Variants in SPATA6L observed in about 807,000 individuals in gnomAD.
SPATA6L encodes the protein spermatogenesis associated 6 like, also known as spermatogenesis associated 6-like protein.
A neutral mutation model predicts 49.2 loss-of-function variants in SPATA6L; 68 were observed. The ratio of observed to expected loss-of-function variants is 1.38; its 90% CI spans 1.14 to 1.69. SPATA6L has a LOEUF of 1.69. SPATA6L is among the 40% of genes most tolerant of loss of function. SPATA6L has a pLI of 0.00. For missense variants in SPATA6L, 668 were observed against 464.3 expected, an observed-to-expected ratio of 1.44 and a Z score of -4.03; for synonymous variants, 198 against 165.7, an observed-to-expected ratio of 1.19 and a Z score of -1.50.
At chr9:4,606,036 A>G (rs1485052045) in intron 9 of SPATA6L, among the ~76,000 whole-genome samples, 11 of 151,322 alleles carry the variant, frequency 7.3e-5, no homozygotes, top group South Asian at 2.1e-4. Context: ...TTCCGAGTCA[A>G]AGAAAGGGGT....
At position 4,600,365 on chromosome 9, in the gene SPATA6L, C is replaced by A. The variant is rs1031979534; in HGVS notation, c.*446G>T. Among the ~76,000 whole-genome samples, 1 of 152,110 alleles carries A rather than the reference C, an allele frequency of 6.6e-6. No individual in the cohort carries two copies. Among genetic ancestry groups the A allele is most frequent in the African/African-American group, 2.4e-5 (1 of 41,380 alleles). ...ACAAACAACAACAAAAACGGATCTA[C>A]CGAAAAGAGAAAGTCAGGTTGATAG... On this transcript the variant is annotated 3_prime_UTR_variant, in exon 12 of 12. Coordinates refer to ENST00000682582, the MANE Select transcript of SPATA6L (RefSeq NM_001353486.2).
At chr9:4,649,113 C>A (rs1177250899) in intron 3 of SPATA6L, among the ~76,000 whole-genome samples, 1 of 151,480 alleles carries the variant, frequency 6.6e-6, no homozygotes, top group African/African-American at 2.4e-5. Flanking sequence ...GTTTCTATAT[C>A]CACTCGTTGA....
At chr9:4,597,453 A>T (rs1289427277), downstream of SPATA6L, among the ~76,000 whole-genome samples, 1 of 151,980 alleles carries the variant, frequency 6.6e-6, no homozygotes, top group Non-Finnish European at 1.5e-5. Context: ...TTGGACTAGA[A>T]ACTCCTCATT....
chr9:4,593,479 T>C (rs1027084727), downstream of SPATA6L, among the ~76,000 whole-genome samples: 8 of 152,272 alleles, frequency 5.3e-5, no homozygotes, highest in African/African-American at 1.9e-4. Flanking sequence ...AAACCAGGGA[T>C]GGGGAGTTGT....
intron 3 of SPATA6L, chr9:4,646,491 A>T (rs776888569): frequency 6.6e-7 from 1 of 1,519,262 alleles, no homozygotes; most frequent in African/African-American, 1.4e-5. Context: ...CATTACCTGG[A>T]GGAACTAGCT....
Position 4,662,152 on chromosome 9 carries a change from T to C in SPATA6L, c.40-116A>G. 1 of 1,482,122 alleles carries C rather than the reference T, an allele frequency of 6.7e-7. No homozygotes were observed. The highest frequency in any genetic ancestry group is 2.5e-5 in the East Asian group (1 of 40,440). The allele number at this position is 1,482,122 out of a possible 1,614,324, so 91.8% of individuals were successfully genotyped here. A position where few individuals can be genotyped will look rare whatever the true frequency, so the allele number is the denominator to read the frequency against. On this transcript the variant is annotated intron_variant, in intron 1 of 11. Coordinates refer to ENST00000682582, the MANE Select transcript of SPATA6L (RefSeq NM_001353486.2). The surrounding 1 kb of genome is among the most constrained non-coding windows in gnomAD (Gnocchi z 4.9). ...AGACACTGACATTTTCCCCATCACC[T>C]CACTCCCTCACCTGTACCTCCCAAC...
chr9:4,603,783 T>C (rs529353809), intron 11 of SPATA6L, among the ~76,000 whole-genome samples: 1 of 152,066 alleles, frequency 6.6e-6, no homozygotes, highest in Non-Finnish European at 1.5e-5. Context: ...GGGAGTGTCG[T>C]GTCATAGAAA....
intron 1 of SPATA6L, chr9:4,664,127 G>A (rs903982805): frequency 3.6e-5 from 6 of 167,168 alleles, no homozygotes; most frequent in African/African-American, 1.4e-4. Flanking sequence ...AGAGAGGGCA[G>A]AGAAACTAAG....
At chr9:4,656,970 G>A (rs1394253405) in intron 2 of SPATA6L, among the ~76,000 whole-genome samples, 3 of 152,136 alleles carry the variant, frequency 2.0e-5, no homozygotes, top group Non-Finnish European at 4.4e-5. Context: ...AGGAAAGAAA[G>A]AGAGAAGAGT....
intron 3 of SPATA6L, among the ~76,000 whole-genome samples, chr9:4,644,507 T>A (rs1455568150): frequency 6.6e-6 from 1 of 152,012 alleles, no homozygotes; most frequent in Non-Finnish European, 1.5e-5. Flanking sequence ...AATATGTTCA[T>A]CAAAATATAA....
intron 4 of SPATA6L, among the ~76,000 whole-genome samples, chr9:4,629,769 G>GTGTGTGTGTGTGTGTGTGTATA (rs1311805859): frequency 2.9e-5 from 3 of 101,932 alleles, no homozygotes; most frequent in African/African-American, 1.5e-4. Flanking sequence ...GTGTGTGTGT[G>GTGTGTGTGTGTGTGTGTGTATA]TATATATATA....
intron 9 of SPATA6L, among the ~76,000 whole-genome samples, chr9:4,611,463 C>A (rs1443090773): frequency 2.0e-5 from 3 of 149,354 alleles, no homozygotes; most frequent in Non-Finnish European, 4.4e-5. Flanking sequence ...GAATACTATG[C>A]AGCCATAAAA....
At chr9:4,612,126 C>T (rs886182288) in intron 9 of SPATA6L, among the ~76,000 whole-genome samples, 1 of 152,008 alleles carries the variant, frequency 6.6e-6, no homozygotes, top group South Asian at 2.1e-4. Flanking sequence ...AGGTATGCAC[C>T]ACCATGCAGA....
At chr9:4,648,221 A>G (rs967586687) in intron 3 of SPATA6L, among the ~76,000 whole-genome samples, 1 of 152,236 alleles carries the variant, frequency 6.6e-6, no homozygotes, top group African/African-American at 2.4e-5. Flanking sequence ...ACAAAACTTT[A>G]ATGCCAAGAA....
downstream of SPATA6L, among the ~76,000 whole-genome samples, chr9:4,598,009 T>C (rs991639617): frequency 1.3e-5 from 2 of 152,208 alleles, no homozygotes; most frequent in Non-Finnish European, 2.9e-5. Flanking sequence ...AAATTACACC[T>C]AAAACCCGCC....
intron 2 of SPATA6L, among the ~76,000 whole-genome samples, chr9:4,661,481 T>C (rs1470720287): frequency 6.6e-6 from 1 of 151,830 alleles, no homozygotes; most frequent in African/African-American, 2.4e-5. Context: ...TACAGGATTT[T>C]AGTTACAGGA....
rs534435836 is a variant in SPATA6L, at chr9:4,609,802, T to G, written c.996-4362A>C. ...TGTTGGAAGTTCTGGCCAGGGCAAT[T>G]AGGCAGGAGAAGGAAATAAAGGGTA... On this transcript the variant is annotated intron_variant, in intron 9 of 11. Transcript: ENST00000682582. Among the ~76,000 whole-genome samples, 216 of 151,284 alleles carry G rather than the reference T, an allele frequency of 1.4e-3. 9 individuals are homozygous for G. The South Asian group carries it at 0.044, about 31-fold the overall frequency.
chr9:4,648,238 A>G (rs1564291324), intron 3 of SPATA6L, among the ~76,000 whole-genome samples: 1 of 152,234 alleles, frequency 6.6e-6, no homozygotes, highest in East Asian at 1.9e-4. Flanking sequence ...AGAAACTTAA[A>G]AACCAAGACA....
At chr9:4,642,398 T>G (rs1323594539) in intron 3 of SPATA6L, among the ~76,000 whole-genome samples, 1 of 152,216 alleles carries the variant, frequency 6.6e-6, no homozygotes, top group Non-Finnish European at 1.5e-5. Flanking sequence ...TTCTGAAAAG[T>G]AGTCAGGAGG....
Sources: allele counts gnomAD v4.1 joint callset (sites outside exome capture counted in the v4.1 genomes callset), GRCh38; gene constraint gnomAD v4.1.1; non-coding constraint Gnocchi (gnomAD v3.1); transcripts MANE v1.5; gene names NCBI Gene and HGNC (gene_info 2026-07-23, HGNC 2026-07-21).